The following CYTH3 variants were observed in gnomAD, a reference collection of about 807,000 sequenced individuals.
CYTH3 encodes the protein cytohesin-3.
CYTH3 carries 23 observed loss-of-function variants against 55.1 expected under a neutral mutation model. That is an observed-to-expected ratio of 0.42 (90% CI 0.30 to 0.59). The LOEUF is 0.59. CYTH3 is among the 20% of genes least tolerant of loss of function. The probability of loss-of-function intolerance (pLI) is 0.20; values close to 1 mark genes in which losing one functional copy is unlikely to be tolerated. For missense variants in CYTH3, 413 were observed against 524.8 expected, an observed-to-expected ratio of 0.79 and a Z score of 2.08; for synonymous variants, 249 against 194.9, an observed-to-expected ratio of 1.28 and a Z score of -2.31.
At position 6,239,960 on chromosome 7, in the gene CYTH3, A is replaced by G. The variant is rs779084122; in HGVS notation, c.34+32514T>C. On this transcript the variant is annotated intron_variant, in intron 1 of 12. Transcript: ENST00000350796. ...TAAATTTAACGTAATCAGAAACTGC[A>G]ACATCATAAAGATACATTTTCTAAG... Among the ~76,000 whole-genome samples, 6 of 152,368 alleles carry G rather than the reference A, an allele frequency of 3.9e-5. No individual in the cohort carries two copies. In the South Asian group the frequency reaches 8.3e-4, roughly 21 times the overall value.
intron 1 of CYTH3, among the ~76,000 whole-genome samples, chr7:6,239,201 A>C (rs1442201795): frequency 6.6e-6 from 1 of 152,138 alleles, no homozygotes; most frequent in Non-Finnish European, 1.5e-5. Flanking sequence ...GCAACAGGGC[A>C]ACCTTTATAC....
chr7:6,216,901 T>C (rs1431756694), intron 1 of CYTH3, among the ~76,000 whole-genome samples: 1 of 147,764 alleles, frequency 6.8e-6, no homozygotes, highest in Non-Finnish European at 1.5e-5. Context: ...TAAGCCCTAA[T>C]ATAATCGATA....
At chr7:6,211,747 T>C (rs548633671) in intron 1 of CYTH3, among the ~76,000 whole-genome samples, 75 of 152,270 alleles carry the variant, frequency 4.9e-4, no homozygotes, top group African/African-American at 1.8e-3. Context: ...CCTGTAATCC[T>C]AGCACTTTGG....
intron 1 of CYTH3, among the ~76,000 whole-genome samples, chr7:6,207,466 T>C (rs1039871405): frequency 6.6e-6 from 1 of 152,160 alleles, no homozygotes; most frequent in Non-Finnish European, 1.5e-5. Context: ...TAGCATTTAA[T>C]TCAAACTTGA....
At chr7:6,206,585 G>A (rs545904685) in intron 1 of CYTH3, among the ~76,000 whole-genome samples, 2 of 152,304 alleles carry the variant, frequency 1.3e-5, no homozygotes, top group East Asian at 3.9e-4. Flanking sequence ...TTGAGTTCTA[G>A]GTACGCTCAA....
chr7:6,256,608 G>A (rs999639067), intron 1 of CYTH3, among the ~76,000 whole-genome samples: 3 of 152,196 alleles, frequency 2.0e-5, no homozygotes, highest in Non-Finnish European at 4.4e-5. Flanking sequence ...GAAAAAGTGG[G>A]GAGCGGTGGA....
chr7:6,237,391 T>C (rs1490608420), intron 1 of CYTH3, among the ~76,000 whole-genome samples: 2 of 152,162 alleles, frequency 1.3e-5, no homozygotes, highest in Non-Finnish European at 2.9e-5. Flanking sequence ...GCACCCACCT[T>C]TTCCCATCCC....
chr7:6,175,165 C>T (rs1199353521), intron 5 of CYTH3, among the ~76,000 whole-genome samples: 1 of 152,060 alleles, frequency 6.6e-6, no homozygotes, highest in Non-Finnish European at 1.5e-5. Flanking sequence ...AGGCAGGGCT[C>T]ACTATGTTAC....
At chr7:6,189,762 C>G (rs1347835290) in intron 2 of CYTH3, among the ~76,000 whole-genome samples, 2 of 151,894 alleles carry the variant, frequency 1.3e-5, no homozygotes, top group African/African-American at 2.4e-5. Context: ...GGTGGCTGGG[C>G]GCAGTGGCTC....
At position 6,252,882 on chromosome 7, in the gene CYTH3, A is replaced by G. The variant is rs557275901; in HGVS notation, c.34+19592T>C. On this transcript the variant is annotated intron_variant, in intron 1 of 12. Transcript: ENST00000350796. Reference sequence around the variant, plus strand: ...CAAATATTAAAATAAAATCCTCACTATGTTAAGCCAGATAACTACCTCCGG... The same window carrying G: ...CAAATATTAAAATAAAATCCTCACTGTGTTAAGCCAGATAACTACCTCCGG... Among the ~76,000 whole-genome samples, 14 of 152,288 alleles carry G rather than the reference A, an allele frequency of 9.2e-5. No individual in the cohort carries two copies. In the South Asian group the frequency reaches 1.9e-3, roughly 20 times the overall value.
At position 6,249,500 on chromosome 7, in the gene CYTH3, T is replaced by C. The variant is rs1002099770; in HGVS notation, c.34+22974A>G. ...TCGGAGGGCCTTTGAATTCTCCTTA[T>C]TTGCAGCACAATTTCCACGATCACC... On this transcript the variant is annotated intron_variant, in intron 1 of 12. Coordinates refer to ENST00000350796, the MANE Select transcript of CYTH3 (RefSeq NM_004227.4). Among the ~76,000 whole-genome samples the C allele has an allele frequency of 3.3e-5, 5 of 152,192 alleles. No individual in the cohort carries two copies. In the East Asian group the frequency reaches 7.7e-4, roughly 23 times the overall value.
chr7:6,244,404 C>G (rs1428710982), intron 1 of CYTH3, among the ~76,000 whole-genome samples: 2 of 152,058 alleles, frequency 1.3e-5, no homozygotes, highest in South Asian at 4.1e-4. Flanking sequence ...TCTGAAGTAC[C>G]CTAGTAGAAT....
At chr7:6,214,361 A>G (rs1784384179) in intron 1 of CYTH3, among the ~76,000 whole-genome samples, 1 of 152,368 alleles carries the variant, frequency 6.6e-6, no homozygotes, top group Admixed American at 6.5e-5. Context: ...AGCCTTGACT[A>G]TTAGAGAACT....
chr7:6,190,359 TTTACATTTTTGTGAGGCTACTC>T, intron 2 of CYTH3, 68 bp downstream of exon 2: 1 of 970,532 alleles, frequency 1.0e-6, no homozygotes, highest in Non-Finnish European at 1.4e-6. Context: ...TTTTTTTTTT[TTTACATTTTTGTGAGGCTACTC>T]TTTTACTATT....
At chr7:6,185,442 A>T (rs954275364) in intron 4 of CYTH3, among the ~76,000 whole-genome samples, 1 of 152,118 alleles carries the variant, frequency 6.6e-6, no homozygotes, top group Non-Finnish European at 1.5e-5. Flanking sequence ...CACGCCTGTA[A>T]TCCCAGCACT....
chr7:6,184,432 GT>G (rs2128542436), intron 4 of CYTH3, among the ~76,000 whole-genome samples: 1 of 152,236 alleles, frequency 6.6e-6, no homozygotes, highest in East Asian at 1.9e-4. Flanking sequence ...AAAACTTGTA[GT>G]TTTGTTGGCC....
chr7:6,193,268 G>C (rs548723865), intron 1 of CYTH3, among the ~76,000 whole-genome samples: 32 of 151,290 alleles, frequency 2.1e-4, no homozygotes, highest in African/African-American at 7.5e-4. Flanking sequence ...TCTCTTAATA[G>C]TCAAGGAAAT....
At position 6,171,950 on chromosome 7, in the gene CYTH3, C is replaced by T. The variant is rs1038958163; in HGVS notation, c.450-636G>A. The T allele has an allele frequency of 3.2e-4, 50 of 154,070 alleles. No individual in the cohort carries two copies. The highest frequency in any genetic ancestry group is 6.3e-4 in the African/African-American group (26 of 41,438). The allele number at this position is 154,070 out of a possible 1,614,324, so 9.5% of individuals were successfully genotyped here. ...CCCCGCTCACTGCTTCCCTTCCTTG[C>T]GTTCCTTGGCTGCGTGGCACCACCC... On this transcript the variant is annotated intron_variant, in intron 6 of 12. Coordinates refer to ENST00000350796, the MANE Select transcript of CYTH3 (RefSeq NM_004227.4). The surrounding 1 kb of genome is among the most constrained non-coding windows in gnomAD (Gnocchi z 6.7).
chr7:6,186,975 G>A (rs1319482737), intron 4 of CYTH3, 75 bp downstream of exon 4: 5 of 1,480,054 alleles, frequency 3.4e-6, no homozygotes, highest in Non-Finnish European at 4.7e-6. Flanking sequence ...TCTGACCTCT[G>A]TCCAAAAGGG....
Sources: gnomAD v4.1 joint callset for allele counts (sites outside exome capture counted in the v4.1 genomes callset) on GRCh38, gnomAD v4.1.1 for gene constraint, Gnocchi (gnomAD v3.1) non-coding constraint, MANE v1.5 for transcripts, NCBI Gene and HGNC (gene_info 2026-07-23, HGNC 2026-07-21) for gene names.